MTREX: variants seen among roughly 807,000 people sequenced by gnomAD.
The protein encoded by MTREX is Mtr4 exosome RNA helicase, also known as exosome RNA helicase MTR4.
Under a neutral mutation model 135.4 loss-of-function variants are expected in MTREX, and 76 were observed. The ratio of observed to expected loss-of-function variants is 0.56; its 90% CI spans 0.47 to 0.68. The LOEUF is 0.68. MTREX is among the 30% of genes least tolerant of loss of function. The pLI is 0.00. For synonymous variants in MTREX, 404 were observed against 401.6 expected, an observed-to-expected ratio of 1.01 and a Z score of -0.07; for missense variants, 920 against 1,262.1, an observed-to-expected ratio of 0.73 and a Z score of 4.11.
chr5:55,425,141 T>C lies in MTREX; in HGVS notation c.*369T>C. ...ACACCAGGAAGAAAGATGCATCCTC[T>C]TGCCTTGTGGCAATCATTTTCCTTT... On this transcript the variant is annotated 3_prime_UTR_variant, in exon 27 of 27. Coordinates refer to ENST00000230640, the MANE Select transcript of MTREX (RefSeq NM_015360.5). 1 of 1,551,706 alleles carries C rather than the reference T, an allele frequency of 6.4e-7. No individual in the cohort carries two copies. The highest frequency in any genetic ancestry group is 1.2e-5 in the South Asian group (1 of 83,460).
At chr5:55,412,851 ATG>A (rs1750904842) in intron 23 of MTREX, among the ~76,000 whole-genome samples, 1 of 152,120 alleles carries the variant, frequency 6.6e-6, no homozygotes, top group South Asian at 2.1e-4. Context: ...TTAAACTGAG[ATG>A]TTAAGGTCAT....
chr5:55,374,116 C>A (rs1323616433), intron 16 of MTREX, among the ~76,000 whole-genome samples: 1 of 151,858 alleles, frequency 6.6e-6, no homozygotes, highest in East Asian at 1.9e-4. Flanking sequence ...AATTTAGCCA[C>A]ATGTGGTGGC....
intron 10 of MTREX, 110 bp downstream of exon 10, chr5:55,345,306 C>T (rs569971136): frequency 2.8e-5 from 19 of 683,862 alleles, no homozygotes; most frequent in South Asian, 1.8e-4. Context: ...AAGGTCTAGA[C>T]GATATGTGAT....
chr5:55,334,362 A>G (rs1255385623), intron 5 of MTREX, among the ~76,000 whole-genome samples: 1 of 152,212 alleles, frequency 6.6e-6, no homozygotes, highest in East Asian at 1.9e-4. Flanking sequence ...CTGATGAAGT[A>G]CCTAATTGTA....
In MTREX at chr5:55,424,983, G is replaced by C. The variant is rs1751132511; in HGVS notation, c.*211G>C. The C allele has an allele frequency of 3.4e-5, 23 of 671,204 alleles. No individual in the cohort carries two copies. The South Asian group carries it at 4.9e-4, about 14-fold the overall frequency. 41.6% of individuals were successfully genotyped at this position (671,204 alleles called of 1,614,324 possible). ...TAAAAATGTATACAGGTGGGGCACT[G>C]TTTTGGTGGAAGGCTTGGAGTTTTT... is the stretch of plus-strand genomic sequence containing the variant. On this transcript the variant is annotated 3_prime_UTR_variant, in exon 27 of 27. Coordinates refer to ENST00000230640, the MANE Select transcript of MTREX (RefSeq NM_015360.5).
intron 3 of MTREX, among the ~76,000 whole-genome samples, chr5:55,327,302 C>T (rs1216155281): frequency 6.6e-6 from 1 of 152,192 alleles, no homozygotes; most frequent in East Asian, 1.9e-4. Context: ...ATTTCCTTTT[C>T]CCTTAACTAT....
Position 55,351,017 on chromosome 5 carries a change from A to G in MTREX, c.1419A>G (p.Glu473=). The G allele has an allele frequency of 6.2e-7, 1 of 1,603,124 alleles. No homozygotes were observed. Among genetic ancestry groups the G allele is most frequent in the South Asian group, 1.1e-5 (1 of 87,524 alleles). Residue 473 remains glutamate (E), a synonymous_variant, in exon 13 of 27, where the codon GAA becomes GAG. Coordinates refer to ENST00000230640, the MANE Select transcript of MTREX (RefSeq NM_015360.5). ...AAACTATAGAAATTCTCTTTTCTGA[A>G]GGATTGATAAAGGTATGGTTTTATT... ...LKETIEILFS[E]GLIKALFATE... is the part of the protein sequence containing the mutation.
In MTREX at chr5:55,397,489, C is replaced by A. The variant is rs563818433; in HGVS notation, c.2255C>A (p.Pro752Gln). 6 of 1,609,020 alleles carry A rather than the reference C, an allele frequency of 3.7e-6. No individual in the cohort carries two copies. The highest frequency in any genetic ancestry group is 4.2e-6 in the Non-Finnish European group (5 of 1,176,532). Residue 752 changes from proline to glutamine, a missense_variant, in exon 20 of 27, where the codon CCG becomes CAG. Pro to Gln is a moderately conservative substitution (Grantham distance 76). Around this residue, in one of 6 missense-constraint regions of MTREX, gnomAD observed 467 missense variants for 589.7 expected, o/e 0.79. Coordinates refer to ENST00000230640, the MANE Select transcript of MTREX (RefSeq NM_015360.5). The part of the protein sequence containing the change: ...VRLYIPKDLR[P>Q]VDNRQSVLKS... ...CTTTACATTCCTAAAGACCTTCGGCCGGTGGACAATAGACAGAGTGTTTTA... is the reference window on the plus strand; with the variant it reads ...CTTTACATTCCTAAAGACCTTCGGCAGGTGGACAATAGACAGAGTGTTTTA...
chr5:55,330,405 T>C (rs974464471), intron 5 of MTREX, among the ~76,000 whole-genome samples: 1 of 152,090 alleles, frequency 6.6e-6, no homozygotes, highest in African/African-American at 2.4e-5. Context: ...CTTTGCTAGA[T>C]GTTCAATTTA....
chr5:55,418,262 A>T (rs1751003835), intron 25 of MTREX, among the ~76,000 whole-genome samples: 1 of 151,336 alleles, frequency 6.6e-6, no homozygotes, highest in Admixed American at 6.6e-5. Context: ...AAAGAAAAGT[A>T]AAAAGCAAGG....
chr5:55,378,326 CAGA>C lies in MTREX; in HGVS notation c.1828_1830del (p.Glu610del). Reference sequence around the variant, plus strand: ...GTTCTATTTACAGAGGTAAAGAATTCAGAAGAACAGTATAATAAAATAGTAATT... The same window carrying C: ...GTTCTATTTACAGAGGTAAAGAATTCAGAACAGTATAATAAAATAGTAATT... On this transcript the variant is annotated inframe_deletion, in exon 17 of 27. Transcript: ENST00000230640. 1 of 1,592,968 alleles carries C rather than the reference CAGA, an allele frequency of 6.3e-7. No homozygotes were observed. The highest frequency in any genetic ancestry group is 8.5e-7 in the Non-Finnish European group (1 of 1,173,646).
At chr5:55,352,424 G>A (rs111816044) in intron 13 of MTREX, among the ~76,000 whole-genome samples, 66 of 152,208 alleles carry the variant, frequency 4.3e-4, no homozygotes, top group African/African-American at 1.5e-3. Context: ...CTTGTTGGGT[G>A]TAAAATTCAA....
intron 7 of MTREX, 91 bp downstream of exon 7, chr5:55,341,862 T>C: frequency 1.6e-6 from 1 of 627,604 alleles, no homozygotes; most frequent in South Asian, 2.4e-5. Flanking sequence ...TTGCTTCTAG[T>C]TTTTGTGTGG....
At chr5:55,344,453 G>C in intron 8 of MTREX, 69 bp from the exon 9 acceptor site, 1 of 972,880 alleles carries the variant, frequency 1.0e-6, no homozygotes, top group Non-Finnish European at 1.6e-6. Context: ...AGATCTTTTA[G>C]GTTGGACTAA....
chr5:55,319,723 G>A (rs1179625550), intron 1 of MTREX, among the ~76,000 whole-genome samples: 1 of 152,176 alleles, frequency 6.6e-6, no homozygotes, highest in Non-Finnish European at 1.5e-5. Flanking sequence ...AGTTCCACAT[G>A]TGACGTACAT....
chr5:55,400,408 A>G lies in MTREX; in HGVS notation c.2468A>G (p.Glu823Gly), dbSNP rs1422658180. 1.3e-6 allele frequency: 2 copies of G among 1,570,964 alleles called. No homozygotes were observed. The highest frequency in any genetic ancestry group is 1.7e-6 in the Non-Finnish European group (2 of 1,155,338). ...TTGGAAACTGTGTATACGCTTTGTG[A>G]AAAAAAAGCACAGGTATGGCAGAAA... ...PNLETVYTLC[E>G]KKAQIAIDIK... The change falls in exon 21 of 27, where the codon GAA (glutamate) becomes GGA (glycine). Residue 823 changes from glutamate (E) to glycine (G), a missense_variant. Physicochemically the swap from Glu to Gly is moderately conservative, Grantham distance 98. Around this residue, in one of 6 missense-constraint regions of MTREX, gnomAD observed 467 missense variants for 589.7 expected, o/e 0.79. Transcript: ENST00000230640.
In MTREX at chr5:55,414,246, T is replaced by TG; in HGVS notation, c.2808+8_2808+9insG. 2.1e-6 allele frequency: 2 copies of TG among 971,980 alleles called. No individual in the cohort carries two copies. Among genetic ancestry groups the TG allele is most frequent in the East Asian group, 9.7e-5 (2 of 20,672 alleles). The allele number at this position is 971,980 out of a possible 1,614,324, so 60.2% of individuals were successfully genotyped here. A position where few individuals can be genotyped will look rare whatever the true frequency, so the allele number is the denominator to read the frequency against. ...CCACTTCGTCAAATGCAGGTAAGGT[T>TG]TTTTTTTTTTTTTTTTGAACTACAT... On this transcript the variant is annotated intron_variant, in intron 24 of 26. Transcript: ENST00000230640.
chr5:55,343,859 A>G (rs909159843), intron 8 of MTREX, among the ~76,000 whole-genome samples: 2 of 152,168 alleles, frequency 1.3e-5, no homozygotes, highest in Non-Finnish European at 2.9e-5. Flanking sequence ...GATTTTTCTC[A>G]TGTAAACACA....
chr5:55,379,300 G>A (rs1183305291), intron 18 of MTREX, 105 bp downstream of exon 18: 3 of 650,224 alleles, frequency 4.6e-6, no homozygotes, highest in Non-Finnish European at 7.8e-6. Flanking sequence ...CTGAAGAGAA[G>A]CAGTAATAAA....
Sources: gnomAD v4.1 joint callset for allele counts (sites outside exome capture counted in the v4.1 genomes callset) on GRCh38, gnomAD v4.1.1 for gene constraint, gnomAD v4.1.1 regional missense constraint, MANE v1.5 for transcripts, NCBI Gene and HGNC (gene_info 2026-07-23, HGNC 2026-07-21) for gene names.